The following FGF7 variants were observed in gnomAD, a reference collection of about 807,000 sequenced individuals.
FGF7 encodes FGF-7.
FGF7 carries 6 observed loss-of-function variants against 20.5 expected under a neutral mutation model. That is an observed-to-expected ratio of 0.29 (90% CI 0.16 to 0.58). The LOEUF is 0.58. Among genes scored for constraint, FGF7 ranks in the 20% least tolerant of loss-of-function variants. FGF7 has a pLI of 0.90. For missense variants in FGF7, 144 were observed against 228.8 expected (o/e 0.63, Z 2.39); for synonymous variants, 64 against 74.7 (o/e 0.86, Z 0.74).
At chr15:49,472,359 C>A (rs570604237) in intron 2 of FGF7, among the ~76,000 whole-genome samples, 3 of 152,206 alleles carry the variant, frequency 2.0e-5, no homozygotes, top group African/African-American at 7.2e-5. Flanking sequence ...CAAATTCCAG[C>A]AGGAAGGTGG....
In FGF7 at chr15:49,472,024, A is replaced by C. The variant is rs1228777180; in HGVS notation, c.287-11127A>C. Among the ~76,000 whole-genome samples the C allele has an allele frequency of 6.6e-5, 10 of 151,184 alleles. No individual in the cohort carries two copies. In the South Asian group the frequency reaches 1.9e-3, roughly 28 times the overall value. On this transcript the variant is annotated intron_variant, in intron 2 of 3. Coordinates refer to ENST00000267843, the MANE Select transcript of FGF7 (RefSeq NM_002009.4). ...TTATCTCATGACTTTAGAAGTGAAAAAAAAAAAAAAGCTGTGAAAGTAAAC... is the reference window on the plus strand; with the variant it reads ...TTATCTCATGACTTTAGAAGTGAAACAAAAAAAAAAGCTGTGAAAGTAAAC...
At chr15:49,465,033 T>C (rs568934008) in intron 2 of FGF7, among the ~76,000 whole-genome samples, 1 of 152,322 alleles carries the variant, frequency 6.6e-6, no homozygotes, top group South Asian at 2.1e-4. Context: ...GAAACTATAA[T>C]GGACTGTATT....
intron 2 of FGF7, among the ~76,000 whole-genome samples, chr15:49,469,478 C>A (rs2054546413): frequency 6.6e-6 from 1 of 152,052 alleles, no homozygotes; most frequent in Admixed American, 6.5e-5. Flanking sequence ...AATCACTTGG[C>A]TTTTCATGGC....
At chr15:49,450,579 C>T (rs766544221) in intron 2 of FGF7, among the ~76,000 whole-genome samples, 3 of 152,060 alleles carry the variant, frequency 2.0e-5, no homozygotes, top group African/African-American at 7.2e-5. Context: ...AAATATGATG[C>T]TTAATGTAGA....
intron 2 of FGF7, among the ~76,000 whole-genome samples, chr15:49,465,572 G>C (rs1420915928): frequency 1.4e-5 from 2 of 146,206 alleles, no homozygotes; most frequent in Non-Finnish European, 3.0e-5. Context: ...AGATTCAAGA[G>C]AGATTTAGCC....
intron 2 of FGF7, among the ~76,000 whole-genome samples, chr15:49,459,714 C>T (rs1467978874): frequency 6.6e-6 from 1 of 152,050 alleles, no homozygotes; most frequent in African/African-American, 2.4e-5. Context: ...TTTTCAGGGG[C>T]CAAAACCAGG....
At chr15:49,477,335 T>C (rs1411936682) in intron 2 of FGF7, among the ~76,000 whole-genome samples, 2 of 152,234 alleles carry the variant, frequency 1.3e-5, no homozygotes, top group African/African-American at 4.8e-5. Flanking sequence ...CAGCTTTTCA[T>C]CCTTTTTCTG....
intron 2 of FGF7, among the ~76,000 whole-genome samples, chr15:49,472,950 A>G (rs2054914099): frequency 6.6e-6 from 1 of 152,166 alleles, no homozygotes; most frequent in Non-Finnish European, 1.5e-5. Context: ...GTTATTTGTG[A>G]TTTATTCCAT....
chr15:49,456,327 T>C (rs756954962), intron 2 of FGF7, among the ~76,000 whole-genome samples: 2 of 152,106 alleles, frequency 1.3e-5, no homozygotes, highest in African/African-American at 2.4e-5. Context: ...ATTTAGAAGT[T>C]GAAAGAAATA....
rs952019081 is a variant in FGF7 at position 49,485,111 on chromosome 15, C to T, written c.*607C>T. 6.6e-6 allele frequency: 1 copy of T among 152,102 alleles called. No homozygotes were observed. The highest frequency in any genetic ancestry group is 1.5e-5 in the Non-Finnish European group (1 of 67,932). The allele number at this position is 152,102 out of a possible 1,614,324, so 9.4% of individuals were successfully genotyped here. On this transcript the variant is annotated 3_prime_UTR_variant, in exon 4 of 4. Coordinates refer to ENST00000267843, the MANE Select transcript of FGF7 (RefSeq NM_002009.4). ...ATTTAACAAAAGTACAGGATTAGAA[C>T]ATGCTTATACCTATAAATAAGAACA...
chr15:49,434,820 GA>G (rs1235386629), intron 2 of FGF7, among the ~76,000 whole-genome samples: 1 of 151,188 alleles, frequency 6.6e-6, no homozygotes, highest in South Asian at 2.1e-4. Context: ...TCTGGCAAGG[GA>G]AAACATCAAT....
chr15:49,437,690 A>G (rs1038137358), intron 2 of FGF7, among the ~76,000 whole-genome samples: 1 of 151,702 alleles, frequency 6.6e-6, no homozygotes, highest in African/African-American at 2.4e-5. Flanking sequence ...CAGCAATTAG[A>G]ATACTATTTA....
intron 2 of FGF7, among the ~76,000 whole-genome samples, chr15:49,478,594 G>A (rs1387732343): frequency 6.6e-6 from 1 of 152,004 alleles, no homozygotes; most frequent in East Asian, 1.9e-4. Flanking sequence ...ACATGCCAAA[G>A]AGGGTATATT....
chr15:49,452,919 A>C (rs2052902237), intron 2 of FGF7, among the ~76,000 whole-genome samples: 1 of 152,198 alleles, frequency 6.6e-6, no homozygotes. Flanking sequence ...TACATATTTC[A>C]AAGTCAGGAA....
intron 2 of FGF7, among the ~76,000 whole-genome samples, chr15:49,446,938 A>G (rs1427569304): frequency 6.6e-6 from 1 of 151,546 alleles, no homozygotes; most frequent in African/African-American, 2.4e-5. Flanking sequence ...GGAGAGATAA[A>G]AGGCAGAGAA....
At chr15:49,482,058 T>C (rs1417994420) in intron 2 of FGF7, among the ~76,000 whole-genome samples, 1 of 152,040 alleles carries the variant, frequency 6.6e-6, no homozygotes, top group Non-Finnish European at 1.5e-5. Context: ...TTTTAGAAAA[T>C]AGTTTTTGAA....
In FGF7 at chr15:49,487,160, T is replaced by A. The variant is rs2056462499; in HGVS notation, c.*2656T>A. On this transcript the variant is annotated 3_prime_UTR_variant, in exon 4 of 4. Coordinates refer to ENST00000267843, the MANE Select transcript of FGF7 (RefSeq NM_002009.4). ...AATGACTAATCTATACTGTGATGAT[T>A]TGACTCAAAAGGAGAAAAGAAATTA... 1 of 151,870 alleles carries A rather than the reference T, an allele frequency of 6.6e-6. No individual in the cohort carries two copies. The highest frequency in any genetic ancestry group is 2.1e-4 in the South Asian group (1 of 4,826). The allele number at this position is 151,870 out of a possible 1,614,324, so 9.4% of individuals were successfully genotyped here.
chr15:49,451,688 A>G (rs2151887618), intron 2 of FGF7, among the ~76,000 whole-genome samples: 1 of 152,298 alleles, frequency 6.6e-6, no homozygotes, highest in African/African-American at 2.4e-5. Flanking sequence ...ATTTTTATGT[A>G]CGTCTCAAAT....
At chr15:49,434,906 C>G (rs1000773605) in intron 2 of FGF7, among the ~76,000 whole-genome samples, 1 of 151,204 alleles carries the variant, frequency 6.6e-6, no homozygotes, top group Non-Finnish European at 1.5e-5. Context: ...CAATGTTTTT[C>G]CTTTAAAGGG....
Sources: gnomAD v4.1 joint callset for allele counts (sites outside exome capture counted in the v4.1 genomes callset) on GRCh38, gnomAD v4.1.1 for gene constraint, MANE v1.5 for transcripts, NCBI Gene and HGNC (gene_info 2026-07-23, HGNC 2026-07-21) for gene names.